RIN2: variants seen among roughly 807,000 people sequenced by gnomAD.
RIN2 encodes the protein Ras and Rab interactor 2, also known as RAB5 interacting protein 2.
In RIN2, 36 loss-of-function variants were observed where a neutral mutation model predicts 78.0. That is an observed-to-expected ratio of 0.46 (90% CI 0.35 to 0.61). The LOEUF is 0.61. RIN2 is among the 20% of genes least tolerant of loss of function. RIN2 has a pLI of 0.00. For synonymous variants in RIN2, 466 were observed against 466.8 expected (o/e 1.00, Z 0.02); for missense variants, 1,087 against 1,159.7 (o/e 0.94, Z 0.91).
intron 1 of RIN2, among the ~76,000 whole-genome samples, chr20:19,769,478 G>A (rs867078863): frequency 2.0e-5 from 3 of 152,298 alleles, no homozygotes; most frequent in South Asian, 2.1e-4. Context: ...ACCTCCATCC[G>A]TTCTGTGCCG....
At chr20:19,949,459 A>C (rs578143541) in intron 4 of RIN2, among the ~76,000 whole-genome samples, 12 of 152,176 alleles carry the variant, frequency 7.9e-5, no homozygotes, top group Non-Finnish European at 1.8e-4. Flanking sequence ...GATGTGCACC[A>C]TCCTTGGTTG....
intron 1 of RIN2, among the ~76,000 whole-genome samples, chr20:19,779,299 A>T (rs982473697): frequency 1.2e-4 from 18 of 151,148 alleles, no homozygotes; most frequent in Non-Finnish European, 2.5e-4. Flanking sequence ...AGCACAGATT[A>T]AAAAAAAAAT....
At chr20:19,767,720 T>A (rs2122367195) in intron 1 of RIN2, among the ~76,000 whole-genome samples, 1 of 150,620 alleles carries the variant, frequency 6.6e-6, no homozygotes, top group South Asian at 2.1e-4. Flanking sequence ...AGGTCAGGAG[T>A]TCGAGACCAG....
At chr20:19,809,102 A>G (rs1408350221) in intron 2 of RIN2, 1 of 152,412 alleles carries the variant, frequency 6.6e-6, no homozygotes, top group Non-Finnish European at 1.5e-5. Flanking sequence ...AGCTTCTGAA[A>G]AAAGCATCAA....
At position 19,905,313 on chromosome 20, in the gene RIN2, G is replaced by A. The variant is rs141202366; in HGVS notation, c.57+15655G>A. Among the ~76,000 whole-genome samples the A allele has an allele frequency of 1.9e-3, 283 of 152,274 alleles. 1 individual carries two copies. In the Middle Eastern group the frequency reaches 0.02, roughly 11 times the overall value. ...TGTCTCATACTCTTTGAAATAACTC[G>A]TCTACCTGACATATGTGGAGTGGAC... On this transcript the variant is annotated intron_variant, in intron 3 of 12. Coordinates refer to ENST00000255006, the MANE Select transcript of RIN2 (RefSeq NM_018993.4).
intron 2 of RIN2, among the ~76,000 whole-genome samples, chr20:19,848,531 T>C (rs2036855774): frequency 1.0e-5 from 1 of 95,270 alleles, no homozygotes; most frequent in African/African-American, 5.5e-5. Flanking sequence ...CAAGACTCCA[T>C]CTCAAAAAAA....
intron 1 of RIN2, among the ~76,000 whole-genome samples, chr20:19,769,563 T>C (rs1427360859): frequency 6.6e-6 from 1 of 152,218 alleles, no homozygotes; most frequent in Non-Finnish European, 1.5e-5. Context: ...GGGTTGGATA[T>C]GTAAATTACT....
chr20:19,925,031 G>C (rs556401074), intron 3 of RIN2, among the ~76,000 whole-genome samples: 1 of 149,302 alleles, frequency 6.7e-6, no homozygotes, highest in African/African-American at 2.5e-5. Flanking sequence ...GAGCCACTGC[G>C]CCCGGCCTCC....
chr20:19,915,215 G>C (rs144639943), intron 3 of RIN2, among the ~76,000 whole-genome samples: 1 of 152,162 alleles, frequency 6.6e-6, no homozygotes, highest in Non-Finnish European at 1.5e-5. Flanking sequence ...GGGAGAGTAG[G>C]GGAGTGAGAC....
chr20:19,784,786 A>G (rs1312921173), intron 1 of RIN2, among the ~76,000 whole-genome samples: 1 of 152,078 alleles, frequency 6.6e-6, no homozygotes, highest in Non-Finnish European at 1.5e-5. Context: ...GGGGTGATGC[A>G]GCCCAGATCA....
chr20:19,799,712 G>T lies in RIN2; in HGVS notation c.-72G>T, dbSNP rs568792780. On this transcript the variant is annotated 5_prime_UTR_variant, in exon 2 of 13. Coordinates refer to ENST00000255006, the MANE Select transcript of RIN2 (RefSeq NM_018993.4). The stretch of plus-strand genomic sequence containing the variant: ...AACGCTGGGGAGGTTGGGCTGAACT[G>T]CAGTGGGAGAGGAGAAGAGATGCTG... The T allele has an allele frequency of 3.3e-5, 5 of 152,380 alleles. No individual in the cohort carries two copies. Among genetic ancestry groups the T allele is most frequent in the African/African-American group, 1.2e-4 (5 of 41,568 alleles). The allele number at this position is 152,380 out of a possible 1,614,324, so 9.4% of individuals were successfully genotyped here. A position where few individuals can be genotyped will look rare whatever the true frequency, so the allele number is the denominator to read the frequency against.
chr20:19,973,863 C>G (rs1287704546), intron 8 of RIN2, among the ~76,000 whole-genome samples: 1 of 152,152 alleles, frequency 6.6e-6, no homozygotes, highest in African/African-American at 2.4e-5. Flanking sequence ...GCACTACCTC[C>G]CTCAACTTAC....
intron 2 of RIN2, among the ~76,000 whole-genome samples, chr20:19,865,488 CTT>C (rs58947389): frequency 1.0e-4 from 14 of 135,822 alleles, no homozygotes; most frequent in Admixed American, 4.6e-4. Flanking sequence ...TACTTTCTTT[CTT>C]TTTTTTTTTT....
intron 2 of RIN2, among the ~76,000 whole-genome samples, chr20:19,848,534 C>CAAAAAAAAAAAAAAA (rs11352724): frequency 3.8e-5 from 2 of 52,838 alleles, no homozygotes; most frequent in African/African-American, 1.1e-4. Context: ...GACTCCATCT[C>CAAAAAAAAAAAAAAA]AAAAAAAAAA....
chr20:19,887,505 C>T (rs529674937), intron 2 of RIN2, among the ~76,000 whole-genome samples: 35 of 152,260 alleles, frequency 2.3e-4, no homozygotes, highest in African/African-American at 8.2e-4. Flanking sequence ...AGAGATGCCA[C>T]CTGCATCTTT....
intron 3 of RIN2, among the ~76,000 whole-genome samples, chr20:19,915,231 G>A (rs776412485): frequency 6.6e-6 from 1 of 152,168 alleles, no homozygotes; most frequent in Admixed American, 6.5e-5. Context: ...GAGACAGGAA[G>A]GGGAGGCAGC....
intron 2 of RIN2, among the ~76,000 whole-genome samples, chr20:19,813,061 A>G (rs1224600598): frequency 1.3e-5 from 2 of 152,330 alleles, no homozygotes; most frequent in East Asian, 1.9e-4. Flanking sequence ...CTGCAGGAAG[A>G]ACACAGGCAC....
chr20:19,869,725 A>G (rs2123352119), intron 2 of RIN2, among the ~76,000 whole-genome samples: 1 of 151,752 alleles, frequency 6.6e-6, no homozygotes, highest in Non-Finnish European at 1.5e-5. Context: ...CCTAGACTCA[A>G]GTGATGCTCC....
intron 4 of RIN2, among the ~76,000 whole-genome samples, chr20:19,935,812 C>T (rs183741207): frequency 2.5e-4 from 35 of 139,248 alleles, no homozygotes; most frequent in African/African-American, 9.1e-4. Flanking sequence ...GTGCAAAGGT[C>T]GGGGGGTGGT....
Sources: allele counts gnomAD v4.1 joint callset (sites outside exome capture counted in the v4.1 genomes callset), GRCh38; gene constraint gnomAD v4.1.1; transcripts MANE v1.5; gene names NCBI Gene and HGNC (gene_info 2026-07-23, HGNC 2026-07-21).